Variants in MAST4 observed in about 807,000 individuals in gnomAD.
MAST4 encodes microtubule associated serine/threonine kinase family member 4.
In MAST4, 89 loss-of-function variants were observed where a neutral mutation model predicts 162.7. The observed-to-expected ratio is 0.55, with a 90% CI of 0.46 to 0.65. The LOEUF is 0.65. Among genes scored for constraint, MAST4 ranks in the 30% least tolerant of loss-of-function variants. MAST4 has a pLI of 0.00. For missense variants in MAST4, 3,153 were observed against 3,374.0 expected (o/e 0.93, Z 1.62); for synonymous variants, 1,479 against 1,361.1 (o/e 1.09, Z -1.91).
chr5:66,660,877 A>C (rs1311809399), intron 1 of MAST4, among the ~76,000 whole-genome samples: 1 of 152,218 alleles, frequency 6.6e-6, no homozygotes, highest in African/African-American at 2.4e-5. Context: ...TGAATTTCTA[A>C]AGTTAATTTC....
chr5:67,087,849 GT>G (rs1310422134), intron 5 of MAST4, among the ~76,000 whole-genome samples: 2 of 152,210 alleles, frequency 1.3e-5, no homozygotes, highest in Non-Finnish European at 2.9e-5. Context: ...TAGTCTTGAA[GT>G]TGAAGATGTG....
chr5:66,963,832 T>C (rs772877595), intron 4 of MAST4: 16 of 777,920 alleles, frequency 2.1e-5, no homozygotes, highest in Non-Finnish European at 3.6e-5. Context: ...TGTCTTTCTG[T>C]TGCCCCATTT....
intron 11 of MAST4, among the ~76,000 whole-genome samples, chr5:67,111,969 TGTCA>T (rs1322168293): frequency 6.6e-6 from 1 of 152,130 alleles, no homozygotes; most frequent in Admixed American, 6.5e-5. Flanking sequence ...AGGCTTGCTC[TGTCA>T]GTCATTGTAG....
At position 67,167,518 on chromosome 5, in the gene MAST4, A is replaced by G. The variant is rs578093114; in HGVS notation, c.*467A>G. The G allele has an allele frequency of 6.5e-6, 1 of 152,830 alleles. No homozygotes were observed. Among genetic ancestry groups the G allele is most frequent in the Non-Finnish European group, 1.5e-5 (1 of 68,434 alleles). 9.5% of individuals were successfully genotyped at this position (152,830 alleles called of 1,614,324 possible). A position where few individuals can be genotyped will look rare whatever the true frequency, so the allele number is the denominator to read the frequency against. On this transcript the variant is annotated 3_prime_UTR_variant, in exon 29 of 29. Coordinates refer to ENST00000403625, the MANE Select transcript of MAST4 (RefSeq NM_001164664.2). Reference sequence around the variant, plus strand: ...CAGAGATACACCCATATTCGTGTATATACACATCCACCTACATGTTTTGGT... The same window carrying G: ...CAGAGATACACCCATATTCGTGTATGTACACATCCACCTACATGTTTTGGT...
At chr5:66,849,311 C>T (rs1759126212) in intron 3 of MAST4, among the ~76,000 whole-genome samples, 1 of 152,268 alleles carries the variant, frequency 6.6e-6, no homozygotes, top group Middle Eastern at 3.4e-3. Context: ...TCTATCAAGT[C>T]TTCGCTAAGG....
intron 4 of MAST4, among the ~76,000 whole-genome samples, chr5:66,921,332 C>T (rs1482078893): frequency 1.3e-5 from 2 of 152,206 alleles, no homozygotes; most frequent in African/African-American, 2.4e-5. Context: ...AGGCCGGGGA[C>T]ATCACTCCTG....
intron 4 of MAST4, among the ~76,000 whole-genome samples, chr5:66,985,263 G>C (rs761646491): frequency 1.3e-5 from 2 of 152,176 alleles, no homozygotes; most frequent in Non-Finnish European, 2.9e-5. Context: ...TGAAATGTCA[G>C]ATGCTGAAAG....
intron 19 of MAST4, among the ~76,000 whole-genome samples, chr5:67,141,467 A>G (rs1393335955): frequency 6.6e-6 from 1 of 152,188 alleles, no homozygotes; most frequent in Middle Eastern, 3.2e-3. Flanking sequence ...AACTGAATTG[A>G]AAACATTTCA....
At chr5:66,726,148 A>G (rs1751503286) in intron 1 of MAST4, among the ~76,000 whole-genome samples, 1 of 151,992 alleles carries the variant, frequency 6.6e-6, no homozygotes, top group Non-Finnish European at 1.5e-5. Flanking sequence ...TAGATTGAAA[A>G]TTTAGCTAAG....
chr5:66,710,035 C>T lies in MAST4; in HGVS notation c.364-49674C>T, dbSNP rs376240955. Among the ~76,000 whole-genome samples the T allele has an allele frequency of 1.7e-3, 253 of 152,308 alleles. 1 individual carries two copies. Among genetic ancestry groups the T allele is most frequent in the African/African-American group, 5.7e-3 (237 of 41,564 alleles). Reference sequence around the variant, plus strand: ...AGTAAAAGGAGAGAGAAGTTCTGGTCTCCACTGCCTCTCTCCTTACTTTGC... The same window carrying T: ...AGTAAAAGGAGAGAGAAGTTCTGGTTTCCACTGCCTCTCTCCTTACTTTGC... On this transcript the variant is annotated intron_variant, in intron 1 of 28. Transcript: ENST00000403625.
At chr5:66,915,349 T>C (rs1048349382) in intron 4 of MAST4, among the ~76,000 whole-genome samples, 5 of 151,016 alleles carry the variant, frequency 3.3e-5, no homozygotes, top group African/African-American at 1.2e-4. Context: ...TGAGGAGAAA[T>C]ATTTGTTCTC....
chr5:66,605,170 T>C (rs1176553192), intron 1 of MAST4, among the ~76,000 whole-genome samples: 2 of 152,174 alleles, frequency 1.3e-5, no homozygotes, highest in African/African-American at 4.8e-5. Context: ...AGTGGCTTGA[T>C]TGAAATAACC....
At chr5:67,141,058 A>G (rs1227312098) in intron 19 of MAST4, among the ~76,000 whole-genome samples, 1 of 152,164 alleles carries the variant, frequency 6.6e-6, no homozygotes, top group Non-Finnish European at 1.5e-5. Flanking sequence ...ACAGAGTCCA[A>G]TCTTTGATCC....
At chr5:66,674,679 G>C (rs62359987) in intron 1 of MAST4, among the ~76,000 whole-genome samples, 1 of 152,168 alleles carries the variant, frequency 6.6e-6, no homozygotes, top group Admixed American at 6.5e-5. Flanking sequence ...CCATCTTTCA[G>C]AATTCCTGGG....
At chr5:66,986,980 TAAA>T (rs769737560) in intron 4 of MAST4, among the ~76,000 whole-genome samples, 3 of 152,178 alleles carry the variant, frequency 2.0e-5, no homozygotes, top group African/African-American at 7.2e-5. Context: ...CTCAAAATCT[TAAA>T]GAAGTGTAAG....
intron 3 of MAST4, among the ~76,000 whole-genome samples, chr5:66,791,617 A>C (rs1355424723): frequency 6.6e-6 from 1 of 152,238 alleles, no homozygotes; most frequent in Non-Finnish European, 1.5e-5. Flanking sequence ...GAAAAAACTT[A>C]TAATAGTACC....
chr5:66,664,520 A>G (rs1008733463), intron 1 of MAST4, among the ~76,000 whole-genome samples: 1 of 149,182 alleles, frequency 6.7e-6, no homozygotes, highest in African/African-American at 2.5e-5. Flanking sequence ...AAGACAGCCA[A>G]GTGTAGCTAT....
At chr5:67,159,826 C>T (rs182922299) in intron 26 of MAST4, among the ~76,000 whole-genome samples, 117 of 152,300 alleles carry the variant, frequency 7.7e-4, no homozygotes, top group Non-Finnish European at 1.1e-3. Context: ...AAAGAGGTTT[C>T]CTACTGGCTG....
At chr5:66,738,687 A>G (rs1446722444) in intron 1 of MAST4, among the ~76,000 whole-genome samples, 2 of 152,196 alleles carry the variant, frequency 1.3e-5, no homozygotes, top group Non-Finnish European at 2.9e-5. Context: ...GTAGGTGGTT[A>G]GGATGCCCTC....
Sources: allele counts gnomAD v4.1 joint callset (sites outside exome capture counted in the v4.1 genomes callset), GRCh38; gene constraint gnomAD v4.1.1; transcripts MANE v1.5; gene names NCBI Gene and HGNC (gene_info 2026-07-23, HGNC 2026-07-21).